FAM20A: variants seen among roughly 807,000 people sequenced by gnomAD.
FAM20A encodes FAM20A golgi associated secretory pathway pseudokinase.
FAM20A carries 42 observed loss-of-function variants against 52.0 expected under a neutral mutation model. The observed-to-expected ratio is 0.81, with a 90% CI of 0.63 to 1.04. The LOEUF (loss-of-function observed/expected upper bound fraction) is 1.04. Ranked by LOEUF, FAM20A falls within the 50% of genes least tolerant of loss-of-function variation. The pLI is 0.00. For missense variants in FAM20A, 742 were observed against 712.7 expected, an observed-to-expected ratio of 1.04 and a Z score of -0.47; for synonymous variants, 304 against 298.9, an observed-to-expected ratio of 1.02 and a Z score of -0.18.
Position 68,536,854 on chromosome 17 carries a change from C to T in FAM20A, c.*623G>A, listed in dbSNP as rs2086110602. Reference sequence around the variant, plus strand: ...AACACTCCTTTTCTGATATTCTTAGCAAATCCCTCTTTTATTTTTGCCACT... The same window carrying T: ...AACACTCCTTTTCTGATATTCTTAGTAAATCCCTCTTTTATTTTTGCCACT... On this transcript the variant is annotated 3_prime_UTR_variant, in exon 11 of 11. Transcript: ENST00000592554. 4.4e-6 allele frequency: 2 copies of T among 453,970 alleles called. No homozygotes were observed. The highest frequency in any genetic ancestry group is 1.6e-5 in the South Asian group (1 of 64,478). The allele number at this position is 453,970 out of a possible 1,614,324, so 28.1% of individuals were successfully genotyped here.
chr17:68,536,402 C>T lies in FAM20A; in HGVS notation c.*1075G>A, dbSNP rs2086097265. The T allele has an allele frequency of 2.2e-6, 1 of 453,962 alleles. No individual in the cohort carries two copies. The highest frequency in any genetic ancestry group is 2.0e-5 in the African/African-American group (1 of 49,986). The allele number at this position is 453,962 out of a possible 1,614,324, so 28.1% of individuals were successfully genotyped here. The stretch of plus-strand genomic sequence containing the variant: ...ATTATGGAATAAGAAACAAAGCCTC[C>T]TATTAAAAGGAGTTTCAGATATCAA... On this transcript the variant is annotated 3_prime_UTR_variant, in exon 11 of 11. Coordinates refer to ENST00000592554, the MANE Select transcript of FAM20A (RefSeq NM_017565.4).
At chr17:68,574,418 A>T (rs1376870883) in intron 1 of FAM20A, among the ~76,000 whole-genome samples, 3 of 151,978 alleles carry the variant, frequency 2.0e-5, no homozygotes, top group African/African-American at 7.3e-5. Flanking sequence ...TCCCACGATA[A>T]CCCGTTAATC....
intron 1 of FAM20A, among the ~76,000 whole-genome samples, chr17:68,596,816 T>A (rs897090417): frequency 6.6e-6 from 1 of 152,172 alleles, no homozygotes; most frequent in Non-Finnish European, 1.5e-5. Flanking sequence ...AGAAACACTT[T>A]CCCTAATTAC....
chr17:68,593,761 G>A (rs1007442904), intron 1 of FAM20A, among the ~76,000 whole-genome samples: 1 of 152,234 alleles, frequency 6.6e-6, no homozygotes, highest in African/African-American at 2.4e-5. Context: ...CAAGCTGGGG[G>A]CTTTTCATGC....
At position 68,599,991 on chromosome 17, in the gene FAM20A, G is replaced by A. The variant is rs149387524; in HGVS notation, c.404+272C>T. On this transcript the variant is annotated intron_variant, in intron 1 of 10. Coordinates refer to ENST00000592554, the MANE Select transcript of FAM20A (RefSeq NM_017565.4). ...AGTGGGGCTCAACGACGACCCAGGCGCTCAAGGGGAAGGGGCTGAGAGCGT... is the reference window on the plus strand; with the variant it reads ...AGTGGGGCTCAACGACGACCCAGGCACTCAAGGGGAAGGGGCTGAGAGCGT... Among the ~76,000 whole-genome samples the A allele has an allele frequency of 3.8e-4, 58 of 152,320 alleles. No homozygotes were observed. The East Asian group carries it at 9.3e-3, about 24-fold the overall frequency.
intron 1 of FAM20A, among the ~76,000 whole-genome samples, chr17:68,581,449 TTTTC>T (rs1285734876): frequency 6.0e-5 from 6 of 99,226 alleles, no homozygotes; most frequent in African/African-American, 1.4e-4. Context: ...TCTTTTTTTC[TTTTC>T]TTTCTTTCCT....
chr17:68,546,679 AATT>A (rs1009384039), intron 4 of FAM20A, among the ~76,000 whole-genome samples: 14 of 152,080 alleles, frequency 9.2e-5, no homozygotes, highest in African/African-American at 3.1e-4. Context: ...AAATACAAAA[AATT>A]ATCCGGGCAT....
intron 1 of FAM20A, among the ~76,000 whole-genome samples, chr17:68,580,054 A>G (rs948343288): frequency 6.6e-6 from 1 of 152,184 alleles, no homozygotes; most frequent in African/African-American, 2.4e-5. Context: ...GGTTATTTCC[A>G]TTTATTGTCT....
At position 68,543,629 on chromosome 17, in the gene FAM20A, C is replaced by G. The variant is rs202090214; in HGVS notation, c.812G>C (p.Arg271Thr). The change falls in exon 5 of 11, where the codon AGG becomes ACG. Residue 271 changes from arginine (R) to threonine (T), a missense_variant and splice_region_variant. Transcript: ENST00000592554. ...NAEIAAFHLD[R>T]ILDFRRVPPT... ...CCATCTCCATGGGGCCAGACCCTACCTGTCCAGATGGAAAGCTGCGATCTC... is the reference window on the plus strand; with the variant it reads ...CCATCTCCATGGGGCCAGACCCTACGTGTCCAGATGGAAAGCTGCGATCTC... 3.1e-6 allele frequency: 5 copies of G among 1,613,940 alleles called. No individual in the cohort carries two copies. Among genetic ancestry groups the G allele is most frequent in the Admixed American group, 1.7e-5 (1 of 60,008 alleles).
At chr17:68,575,528 A>ATTTT (rs1568767176) in intron 1 of FAM20A, among the ~76,000 whole-genome samples, 57 of 69,984 alleles carry the variant, frequency 8.1e-4, no homozygotes, top group South Asian at 1.5e-3. Flanking sequence ...TATATTATAT[A>ATTTT]ATATATATTT....
chr17:68,592,322 A>T (rs143514121), intron 1 of FAM20A, among the ~76,000 whole-genome samples: 2 of 152,362 alleles, frequency 1.3e-5, no homozygotes, highest in African/African-American at 4.8e-5. Flanking sequence ...GGAGGCAGAT[A>T]GACATACTTT....
In FAM20A at chr17:68,600,201, T is replaced by C. The variant is rs1168675989; in HGVS notation, c.404+62A>G. 4 of 1,530,854 alleles carry C rather than the reference T, an allele frequency of 2.6e-6. No individual in the cohort carries two copies. The highest frequency in any genetic ancestry group is 2.6e-6 in the Non-Finnish European group (3 of 1,138,020). 94.8% of individuals were successfully genotyped at this position (1,530,854 alleles called of 1,614,324 possible). ...CCGGGGGCGTCAGGAAACTCGAGACTGGGGCGCGGGGAGGCCCCGGCCAGA... is the reference window on the plus strand; with the variant it reads ...CCGGGGGCGTCAGGAAACTCGAGACCGGGGCGCGGGGAGGCCCCGGCCAGA... On this transcript the variant is annotated intron_variant, in intron 1 of 10. Transcript: ENST00000592554. This position sits in a 1 kb window ranked among gnomAD's most constrained non-coding sequence, Gnocchi z 6.2.
At chr17:68,540,557 C>T (rs1198317183) in intron 8 of FAM20A, 5 of 526,382 alleles carry the variant, frequency 9.5e-6, no homozygotes, top group African/African-American at 3.8e-5. Flanking sequence ...CTGGTTTCCC[C>T]TCACTTGGTG....
chr17:68,558,429 G>A (rs1441475725), intron 1 of FAM20A: 1 of 383,268 alleles, frequency 2.6e-6, no homozygotes, highest in South Asian at 2.0e-5. Context: ...TTGTAACATA[G>A]GGGTGGGTCC....
At chr17:68,583,848 C>T (rs750778241) in intron 1 of FAM20A, among the ~76,000 whole-genome samples, 5 of 151,400 alleles carry the variant, frequency 3.3e-5, no homozygotes, top group Admixed American at 6.6e-5. Flanking sequence ...ATCGTGCCAC[C>T]GCACACCAGC....
intron 1 of FAM20A, among the ~76,000 whole-genome samples, chr17:68,568,340 C>T (rs957672938): frequency 3.0e-4 from 45 of 151,662 alleles, no homozygotes; most frequent in Admixed American, 1.6e-3. Flanking sequence ...TGGTGGTGGG[C>T]GCCTGTAGTC....
At position 68,537,718 on chromosome 17, in the gene FAM20A, TG is replaced by T; in HGVS notation, c.1384del (p.His462ThrfsTer15). 1 of 1,612,802 alleles carries T rather than the reference TG, an allele frequency of 6.2e-7. No homozygotes were observed. Among genetic ancestry groups the T allele is most frequent in the Non-Finnish European group, 8.5e-7 (1 of 1,179,364 alleles). ...GTCAGCTTGGGCCAGCAGCTGCAGG[TG>T]CAAAAGTGTTTTCTTTTTTATCCTG... The part of the protein sequence containing the change: ...CCMIKKKTLL[H>X]LQLLAQADYR... On this transcript the variant is annotated frameshift_variant, in exon 11 of 11. Transcript: ENST00000592554. LOFTEE classifies it low-confidence loss of function (END_TRUNC). This position sits in a 1 kb window ranked among gnomAD's most constrained non-coding sequence, Gnocchi z 4.2.
chr17:68,555,804 C>T lies in FAM20A; in HGVS notation c.405-61G>A, dbSNP rs2087035722. 3.8e-6 allele frequency: 6 copies of T among 1,571,220 alleles called. No individual in the cohort carries two copies. The South Asian group carries it at 6.7e-5, about 17-fold the overall frequency. ...AGAATGCAAAGACCCACCAAGATAC[C>T]TTGTCTGCAGTTTTTTATTCATCCT... On this transcript the variant is annotated intron_variant, in intron 1 of 10. Coordinates refer to ENST00000592554, the MANE Select transcript of FAM20A (RefSeq NM_017565.4).
intron 1 of FAM20A, among the ~76,000 whole-genome samples, chr17:68,595,292 A>G (rs979056348): frequency 6.6e-6 from 1 of 152,150 alleles, no homozygotes; most frequent in Non-Finnish European, 1.5e-5. Flanking sequence ...TTCTTGGATG[A>G]ATGACACTGA....
Sources: allele counts gnomAD v4.1 joint callset (sites outside exome capture counted in the v4.1 genomes callset), GRCh38; gene constraint gnomAD v4.1.1; non-coding constraint Gnocchi (gnomAD v3.1); transcripts MANE v1.5; gene names NCBI Gene and HGNC (gene_info 2026-07-23, HGNC 2026-07-21).